Variants in HECTD4 observed in about 807,000 individuals in gnomAD.
HECTD4 encodes the protein probable E3 ubiquitin-protein ligase HECTD4.
In HECTD4, 114 loss-of-function variants were observed where a neutral mutation model predicts 471.5. The observed-to-expected ratio is 0.24, with a 90% CI of 0.21 to 0.28. The LOEUF (loss-of-function observed/expected upper bound fraction) is 0.28. HECTD4 is among the 10% of genes least tolerant of loss of function. The pLI is 1.00. For missense variants in HECTD4, 3,866 were observed against 5,651.5 expected (o/e 0.68, Z 10.13); for synonymous variants, 2,012 against 2,256.0 (o/e 0.89, Z 3.07).
chr12:112,212,591 G>A lies in HECTD4; in HGVS notation c.7525C>T (p.Pro2509Ser), dbSNP rs1566074226. The A allele has an allele frequency of 1.2e-6, 2 of 1,613,686 alleles. No individual in the cohort carries two copies. The highest frequency in any genetic ancestry group is 1.7e-6 in the Non-Finnish European group (2 of 1,179,840). ...GTGAAGTACACCCGGCCCTTGGCTG[G>A]CTGTCCCGGAGGAGGTGGAGTCCCC... ...TEGTPPPPGQ[P>S]AKGRVYFTYC... The change falls in exon 49 of 76, where the codon CCA (proline) becomes TCA (serine). Residue 2509 changes from proline to serine, a missense_variant. By Grantham distance (74) the Pro-to-Ser change is moderately conservative (BLOSUM62 -1). This residue lies in a region of HECTD4 where 617 missense variants were observed against 915.1 expected (regional missense o/e 0.67). Transcript: ENST00000682272.
intron 4 of HECTD4, among the ~76,000 whole-genome samples, chr12:112,312,114 G>C (rs1566107852): frequency 1.3e-5 from 2 of 152,148 alleles, no homozygotes; most frequent in Non-Finnish European, 2.9e-5. Context: ...AAATGAAAGG[G>C]AGGGAGGAAC....
At chr12:112,229,663 G>T in intron 41 of HECTD4, 35 bp downstream of exon 41, 1 of 1,573,270 alleles carries the variant, frequency 6.4e-7, no homozygotes, top group Non-Finnish European at 8.7e-7. Context: ...TATATATGGG[G>T]GAAGCAATGA....
chr12:112,283,371 G>T (rs769784584), intron 7 of HECTD4, 69 bp from the exon 8 acceptor site: 300 of 1,212,296 alleles, frequency 2.5e-4, no homozygotes, highest in Middle Eastern at 4.6e-4. Context: ...TTCTACTGAG[G>T]ATATTATTGT....
At chr12:112,365,717 C>T (rs1405817148) in intron 1 of HECTD4, among the ~76,000 whole-genome samples, 2 of 150,010 alleles carry the variant, frequency 1.3e-5, no homozygotes, top group African/African-American at 4.9e-5. Flanking sequence ...ATTTTAAAAA[C>T]AATGTTTCTC....
chr12:112,167,808 G>A lies in HECTD4; in HGVS notation c.12312+6C>T. Reference sequence around the variant, plus strand: ...GGCGTGGAGCCTCCTCCCGGCCTCTGCCTACCTTGTTCTTATTGACAGCTG... The same window carrying A: ...GGCGTGGAGCCTCCTCCCGGCCTCTACCTACCTTGTTCTTATTGACAGCTG... On this transcript the variant is annotated splice_donor_region_variant and intron_variant, in intron 71 of 75. Transcript: ENST00000682272. 6.2e-7 allele frequency: 1 copy of A among 1,612,178 alleles called. No homozygotes were observed. The highest frequency in any genetic ancestry group is 2.2e-5 in the East Asian group (1 of 44,874).
chr12:112,373,996 T>G (rs2036732475), intron 1 of HECTD4, among the ~76,000 whole-genome samples: 1 of 143,228 alleles, frequency 7.0e-6, no homozygotes, highest in Admixed American at 7.1e-5. Flanking sequence ...AGAACGAGAC[T>G]CTGTCTCAAA....
At chr12:112,366,554 CTG>C (rs1183385025) in intron 1 of HECTD4, among the ~76,000 whole-genome samples, 1 of 151,566 alleles carries the variant, frequency 6.6e-6, no homozygotes, top group East Asian at 1.9e-4. Flanking sequence ...AAAAAATTGC[CTG>C]TTGCTGGGCG....
intron 7 of HECTD4, chr12:112,301,965 G>T: frequency 1.2e-6 from 1 of 861,554 alleles, no homozygotes; most frequent in South Asian, 1.3e-5. Context: ...CCTCCCCAGT[G>T]ACAGCAGATC....
intron 43 of HECTD4, 108 bp from the exon 44 acceptor site, chr12:112,226,866 G>A: frequency 1.5e-6 from 1 of 684,658 alleles, no homozygotes; most frequent in Non-Finnish European, 2.4e-6. Context: ...TTTACAACAA[G>A]GTTCAAACAC....
chr12:112,170,215 G>C lies in HECTD4; in HGVS notation c.12052+118C>G, dbSNP rs2031158398. Reference sequence around the variant, plus strand: ...AGCCACACACCAGGGCGCTCCAGCAGAACGACAGGAGGAACCGCTGCACCA... The same window carrying C: ...AGCCACACACCAGGGCGCTCCAGCACAACGACAGGAGGAACCGCTGCACCA... On this transcript the variant is annotated intron_variant, in intron 69 of 75. Coordinates refer to ENST00000682272, the MANE Select transcript of HECTD4 (RefSeq NM_001388303.1). 2.1e-6 allele frequency: 3 copies of C among 1,399,564 alleles called. No homozygotes were observed. In the South Asian group the frequency reaches 4.0e-5, roughly 19 times the overall value. The allele number at this position is 1,399,564 out of a possible 1,614,324, so 86.7% of individuals were successfully genotyped here.
intron 1 of HECTD4, among the ~76,000 whole-genome samples, chr12:112,332,456 G>A (rs1023798296): frequency 2.0e-5 from 3 of 149,082 alleles, no homozygotes; most frequent in Non-Finnish European, 2.9e-5. Flanking sequence ...ATAATTGATC[G>A]CTTGAACCCA....
chr12:112,359,155 C>A (rs1241763867), intron 1 of HECTD4, among the ~76,000 whole-genome samples: 1 of 151,670 alleles, frequency 6.6e-6, no homozygotes, highest in African/African-American at 2.4e-5. Context: ...TGCACTCCAG[C>A]CTGGGCAACA....
At chr12:112,174,233 T>G (rs972221049) in intron 66 of HECTD4, among the ~76,000 whole-genome samples, 1 of 151,834 alleles carries the variant, frequency 6.6e-6, no homozygotes, top group Non-Finnish European at 1.5e-5. Flanking sequence ...CCTCCCAAAG[T>G]GCTGGGATTA....
intron 1 of HECTD4, among the ~76,000 whole-genome samples, chr12:112,375,914 CAA>C (rs755533332): frequency 5.7e-5 from 6 of 105,026 alleles, no homozygotes; most frequent in Admixed American, 1.9e-4. Context: ...ACTAAAAATA[CAA>C]AAAAAAAAAA....
At chr12:112,283,951 T>C (rs557731068) in intron 7 of HECTD4, among the ~76,000 whole-genome samples, 45 of 151,346 alleles carry the variant, frequency 3.0e-4, no homozygotes, top group African/African-American at 1.0e-3. Context: ...TTTTCTTCTT[T>C]CTTCTTTTTT....
chr12:112,323,405 T>TA (rs1355569015), intron 1 of HECTD4, among the ~76,000 whole-genome samples: 1 of 152,084 alleles, frequency 6.6e-6, no homozygotes, highest in African/African-American at 2.4e-5. Flanking sequence ...TTCATAGTTT[T>TA]AAAAAAATTC....
intron 11 of HECTD4, 26 bp downstream of exon 11, chr12:112,273,629 C>A: frequency 6.2e-7 from 1 of 1,608,930 alleles, no homozygotes; most frequent in Non-Finnish European, 8.5e-7. Flanking sequence ...AAAATCTTTT[C>A]CTGCAAGACC....
Position 112,228,949 on chromosome 12 carries a change from T to TA in HECTD4, c.6520-139dup. The stretch of plus-strand genomic sequence containing the variant: ...TAGTTTATACTACTAGGGTAGCAGA[T>TA]ACCAAGCCCTAGACATGACTTATAA... On this transcript the variant is annotated intron_variant, in intron 41 of 75. Transcript: ENST00000682272. This position sits in a 1 kb window ranked among gnomAD's most constrained non-coding sequence, Gnocchi z 4.9. 1 of 800,070 alleles carries TA rather than the reference T, an allele frequency of 1.2e-6. No individual in the cohort carries two copies. 49.6% of individuals were successfully genotyped at this position (800,070 alleles called of 1,614,324 possible). A position where few individuals can be genotyped will look rare whatever the true frequency, so the allele number is the denominator to read the frequency against.
chr12:112,245,233 G>A (rs1198721424), intron 29 of HECTD4, among the ~76,000 whole-genome samples: 1 of 152,120 alleles, frequency 6.6e-6, no homozygotes, highest in East Asian at 1.9e-4. Flanking sequence ...TGAACTCCTG[G>A]TGTAAGCGAT....
Sources: allele counts gnomAD v4.1 joint callset (sites outside exome capture counted in the v4.1 genomes callset), GRCh38; gene constraint gnomAD v4.1.1; regional missense constraint gnomAD v4.1.1; non-coding constraint Gnocchi (gnomAD v3.1); transcripts MANE v1.5; gene names NCBI Gene and HGNC (gene_info 2026-07-23, HGNC 2026-07-21).